Variants in FRMD8 observed in about 807,000 individuals in gnomAD.
FRMD8 encodes the protein FERM domain containing 8, also known as FERM domain-containing protein 8.
In FRMD8, 37 loss-of-function variants were observed where a neutral mutation model predicts 54.2. The observed-to-expected ratio is 0.68, with a 90% CI of 0.53 to 0.90. The LOEUF is 0.90. FRMD8 is among the 40% of genes least tolerant of loss of function. The probability of loss-of-function intolerance (pLI) is 0.00; values close to 1 mark genes in which losing one functional copy is unlikely to be tolerated. For missense variants in FRMD8, 585 were observed against 653.7 expected, an observed-to-expected ratio of 0.89 and a Z score of 1.15; for synonymous variants, 246 against 286.9, an observed-to-expected ratio of 0.86 and a Z score of 1.44.
chr11:65,405,490 G>GGGATTA (rs1856175918), intron 10 of FRMD8, among the ~76,000 whole-genome samples: 1 of 152,148 alleles, frequency 6.6e-6, no homozygotes, highest in African/African-American at 2.4e-5. Context: ...GAGGTGTATG[G>GGGATTA]CAGGCGCCTG....
At chr11:65,398,276 G>T (rs775016548) in intron 7 of FRMD8, among the ~76,000 whole-genome samples, 8 of 152,218 alleles carry the variant, frequency 5.3e-5, no homozygotes, top group Non-Finnish European at 1.0e-4. Flanking sequence ...GGGATCATAC[G>T]CATGAGCCAC....
the FRMD8 span, among the ~76,000 whole-genome samples, chr11:65,374,009 GCCTAAACTGTTGCAACAAGGA>G: frequency 0.14 from 21,080 of 152,130 alleles, 1,646 homozygotes; most frequent in East Asian, 0.22. Context: ...TGCAACAAGG[GCCTAAACTGTTGCAACAAGGA>G]CAGAGCCAGG....
chr11:65,377,280 A>C, the FRMD8 span: 3 of 1,415,052 alleles, frequency 2.1e-6, no homozygotes, highest in African/African-American at 2.9e-5. Flanking sequence ...CTCCCTTGGC[A>C]TCAGGCCCAA....
chr11:65,412,727 C>T lies in FRMD8; in HGVS notation c.*1367C>T, dbSNP rs1166228451. 6.6e-6 allele frequency: 1 copy of T among 152,260 alleles called. No homozygotes were observed. Among genetic ancestry groups the T allele is most frequent in the East Asian group, 1.9e-4 (1 of 5,198 alleles). The allele number at this position is 152,260 out of a possible 1,614,324, so 9.4% of individuals were successfully genotyped here. On this transcript the variant is annotated 3_prime_UTR_variant, in exon 11 of 11. Transcript: ENST00000317568. ...CAAGTATCAGAGCCTGTTCACCCTC[C>T]TCCCTTTGGTAGCTTGTGAATGTGC...
the FRMD8 span, chr11:65,380,934 A>T: frequency 9.1e-6 from 2 of 220,980 alleles, no homozygotes; most frequent in Non-Finnish European, 1.9e-5. Flanking sequence ...TTCCTTTGTA[A>T]GCCCAACAGG....
At chr11:65,405,360 G>A (rs1409368364) in intron 10 of FRMD8, among the ~76,000 whole-genome samples, 1 of 152,226 alleles carries the variant, frequency 6.6e-6, no homozygotes, top group Non-Finnish European at 1.5e-5. Flanking sequence ...GGTGGCTCAC[G>A]CCTGTAATCC....
At chr11:65,376,307 G>T in the FRMD8 span, 1 of 1,416,526 alleles carries the variant, frequency 7.1e-7, no homozygotes, top group Non-Finnish European at 9.6e-7. Flanking sequence ...GAAGGGCTGA[G>T]CCTCTTGCAC....
the FRMD8 span, among the ~76,000 whole-genome samples, chr11:65,370,098 T>G: frequency 6.6e-6 from 1 of 151,582 alleles, no homozygotes; most frequent in Non-Finnish European, 1.5e-5. Context: ...GGCACACACT[T>G]GTAATCCCAG....
chr11:65,388,944 G>C (rs7930123), intron 2 of FRMD8, among the ~76,000 whole-genome samples: 1 of 152,100 alleles, frequency 6.6e-6, no homozygotes, highest in Non-Finnish European at 1.5e-5. Flanking sequence ...TCTATGCTGT[G>C]GTTTCAGCCT....
At chr11:65,399,544 C>T (rs765892384) in intron 7 of FRMD8, among the ~76,000 whole-genome samples, 192 bp from the exon 8 acceptor site, 1 of 152,190 alleles carries the variant, frequency 6.6e-6, no homozygotes, top group Non-Finnish European at 1.5e-5. Context: ...TCCCTCCGGT[C>T]GCACACTGCC....
At chr11:65,399,048 A>AG (rs1294061334) in intron 7 of FRMD8, among the ~76,000 whole-genome samples, 1 of 139,598 alleles carries the variant, frequency 7.2e-6, no homozygotes, top group Non-Finnish European at 1.5e-5. Flanking sequence ...CCCAGGCTGG[A>AG]GTGCAGTGGC....
the FRMD8 span, chr11:65,375,993 TGGAAAGGC>T: frequency 6.4e-6 from 1 of 156,404 alleles, no homozygotes; most frequent in African/African-American, 2.9e-5. Flanking sequence ...ACCCGGAAGG[TGGAAAGGC>T]GGAGGTTGCA....
chr11:65,410,399 G>A (rs990307599), intron 10 of FRMD8, among the ~76,000 whole-genome samples: 1 of 152,092 alleles, frequency 6.6e-6, no homozygotes, highest in Non-Finnish European at 1.5e-5. Flanking sequence ...GGAGGCTGAG[G>A]CAGGAGAATT....
At chr11:65,371,245 C>T in the FRMD8 span, among the ~76,000 whole-genome samples, 12 of 152,198 alleles carry the variant, frequency 7.9e-5, no homozygotes, top group Admixed American at 1.3e-4. Flanking sequence ...CCTTTCCCTG[C>T]GCATGTAGCT....
chr11:65,368,549 G>A, the FRMD8 span, among the ~76,000 whole-genome samples: 22 of 146,512 alleles, frequency 1.5e-4, no homozygotes, highest in East Asian at 4.2e-3. Flanking sequence ...GCCAGCTAGA[G>A]TTTTGTTTTG....
the FRMD8 span, chr11:65,377,003 C>G: frequency 1.2e-6 from 2 of 1,613,684 alleles, no homozygotes; most frequent in African/African-American, 1.3e-5. Context: ...TGGGGGGCTC[C>G]CTGGCTGGGC....
Position 65,389,414 on chromosome 11 carries a change from G to A in FRMD8, c.139G>A (p.Glu47Lys). ...TGACACGGTGGTGCCCCTGGCTGTG[G>A]AGAACCTGCCCTCGCTCAGTGCCCA... is the stretch of plus-strand genomic sequence containing the variant. ...ADDTVVPLAV[E>K]NLPSLSAHEL... The change falls in exon 3 of 11, where the codon GAG becomes AAG. Residue 47 changes from glutamate (E) to lysine (K), a missense_variant. Physicochemically the swap from Glu to Lys is moderately conservative, Grantham distance 56. Transcript: ENST00000317568. 1 of 1,610,768 alleles carries A rather than the reference G, an allele frequency of 6.2e-7. No homozygotes were observed. Among genetic ancestry groups the A allele is most frequent in the East Asian group, 2.2e-5 (1 of 44,888 alleles).
rs770651947 is a variant in FRMD8 at position 65,404,818 on chromosome 11, T to C, written c.1072-46T>C. 2 of 1,526,732 alleles carry C rather than the reference T, an allele frequency of 1.3e-6. No individual in the cohort carries two copies. Among genetic ancestry groups the C allele is most frequent in the East Asian group, 2.3e-5 (1 of 44,072 alleles). The allele number at this position is 1,526,732 out of a possible 1,614,324, so 94.6% of individuals were successfully genotyped here. On this transcript the variant is annotated intron_variant, in intron 9 of 10. Coordinates refer to ENST00000317568, the MANE Select transcript of FRMD8 (RefSeq NM_031904.5). This position sits in a 1 kb window ranked among gnomAD's most constrained non-coding sequence, Gnocchi z 4.7. ...CTCATTTCAGGCTCAGCAACAGGCA[T>C]GGAAGGGGGCCCTGGCCAGGCCTCA...
chr11:65,407,328 T>G (rs1259748307), intron 10 of FRMD8, among the ~76,000 whole-genome samples: 1 of 151,828 alleles, frequency 6.6e-6, no homozygotes, highest in Non-Finnish European at 1.5e-5. Flanking sequence ...CTTGGCTCAC[T>G]GCAACCTCCG....
Sources: gnomAD v4.1 joint callset for allele counts (sites outside exome capture counted in the v4.1 genomes callset) on GRCh38, gnomAD v4.1.1 for gene constraint, Gnocchi (gnomAD v3.1) non-coding constraint, MANE v1.5 for transcripts, NCBI Gene and HGNC (gene_info 2026-07-23, HGNC 2026-07-21) for gene names.